SORBS2: variants seen among roughly 807,000 people sequenced by gnomAD.
SORBS2 encodes the protein sorbin and SH3 domain containing 2.
SORBS2 carries 46 observed loss-of-function variants against 97.7 expected under a neutral mutation model. That is an observed-to-expected ratio of 0.47 (90% confidence interval 0.37 to 0.60). SORBS2 has a LOEUF of 0.60. SORBS2 is among the 20% of genes least tolerant of loss of function. The pLI is 0.00. For missense variants in SORBS2, 1,316 were observed against 1,282.3 expected (o/e 1.03, Z -0.40); for synonymous variants, 476 against 473.4 (o/e 1.01, Z -0.07).
At chr4:185,863,033 T>C (rs1290932878) in intron 1 of SORBS2, among the ~76,000 whole-genome samples, 2 of 152,150 alleles carry the variant, frequency 1.3e-5, no homozygotes, top group Non-Finnish European at 2.9e-5. Context: ...GCCAGGCCAG[T>C]GGAGAGGTGG....
chr4:185,731,594 C>A (rs1186841421), intron 2 of SORBS2, among the ~76,000 whole-genome samples: 13 of 125,842 alleles, frequency 1.0e-4, no homozygotes, highest in Non-Finnish European at 1.7e-5. Flanking sequence ...CTCCCTCCCT[C>A]CCTGCCTATC....
Position 185,923,472 on chromosome 4 carries a change from A to ATTTTTTTTTTTTTTTTTTT in SORBS2, c.-338+32723_-338+32724insAAAAAAAAAAAAAAAAAAA, listed in dbSNP as rs535695706. 4.3e-3 allele frequency among the ~76,000 whole-genome samples: 471 copies of ATTTTTTTTTTTTTTTTTTT among 110,408 alleles called. 32 individuals are homozygous for ATTTTTTTTTTTTTTTTTTT. Among genetic ancestry groups the ATTTTTTTTTTTTTTTTTTT allele is most frequent in the African/African-American group, 9.9e-3 (280 of 28,310 alleles). 72.4% of individuals were successfully genotyped at this position (110,408 alleles called of 152,430 possible). A position where few individuals can be genotyped will look rare whatever the true frequency, so the allele number is the denominator to read the frequency against. On this transcript the variant is annotated intron_variant, in intron 1 of 20. Coordinates refer to the SORBS2 transcript ENST00000284776. ...TGCTTGGCTAAGTTTCTTTTTTTTA[A>ATTTTTTTTTTTTTTTTTTT]TTTTTTTTTTTTGTAGAGACAGGAC...
chr4:185,839,052 A>G (rs1380713080), intron 1 of SORBS2, among the ~76,000 whole-genome samples: 1 of 152,110 alleles, frequency 6.6e-6, no homozygotes, highest in Admixed American at 6.5e-5. Context: ...AGGCCCCAAC[A>G]CTGCACGATG....
At chr4:185,659,743 G>A (rs926956532), upstream of SORBS2, among the ~76,000 whole-genome samples, 4 of 152,016 alleles carry the variant, frequency 2.6e-5, no homozygotes, top group African/African-American at 4.8e-5. Context: ...ATTAAGACAC[G>A]GTGAGATATT....
At chr4:185,731,227 G>A (rs1444892907) in intron 2 of SORBS2, among the ~76,000 whole-genome samples, 2 of 152,112 alleles carry the variant, frequency 1.3e-5, no homozygotes, top group African/African-American at 2.4e-5. Context: ...AGGAGGAACT[G>A]GAACTTAGGA....
At chr4:185,744,533 T>C (rs986792100) in intron 2 of SORBS2, among the ~76,000 whole-genome samples, 1 of 152,250 alleles carries the variant, frequency 6.6e-6, no homozygotes, top group Non-Finnish European at 1.5e-5. Context: ...GTTCAGATCA[T>C]TAATCTTCTT....
intron 1 of SORBS2, among the ~76,000 whole-genome samples, chr4:185,835,575 G>A (rs2099207579): frequency 1.3e-5 from 2 of 151,558 alleles, no homozygotes; most frequent in African/African-American, 4.8e-5. Context: ...CAATTCATTT[G>A]CGCACTGTTC....
chr4:185,831,195 A>C (rs2099204926), intron 1 of SORBS2, among the ~76,000 whole-genome samples: 1 of 152,220 alleles, frequency 6.6e-6, no homozygotes, highest in African/African-American at 2.4e-5. Context: ...ATAATTAGAC[A>C]GCAAAAGGGA....
At chr4:185,714,887 A>C (rs1372785331) in intron 2 of SORBS2, among the ~76,000 whole-genome samples, 1 of 152,252 alleles carries the variant, frequency 6.6e-6, no homozygotes, top group Non-Finnish European at 1.5e-5. Context: ...CCACAGAGCC[A>C]AACCATATCA....
At chr4:185,678,684 G>A in intron 3 of SORBS2, 112 bp downstream of exon 6, 1 of 1,136,720 alleles carries the variant, frequency 8.8e-7, no homozygotes, top group South Asian at 1.6e-5. Context: ...AATTTAATAT[G>A]CATAACAGTA....
intron 2 of SORBS2, chr4:185,757,066 G>C: frequency 1.4e-6 from 1 of 716,714 alleles, no homozygotes; most frequent in Non-Finnish European, 2.6e-6. Flanking sequence ...TTCCATTTTT[G>C]TTCACTTTGG....
intron 1 of SORBS2, among the ~76,000 whole-genome samples, chr4:185,937,910 CA>C (rs1246037528): frequency 6.6e-6 from 1 of 152,064 alleles, no homozygotes; most frequent in Non-Finnish European, 1.5e-5. Context: ...TCTGCCCCTT[CA>C]AACTCAGTGT....
chr4:185,800,370 T>C (rs944538614), intron 1 of SORBS2, among the ~76,000 whole-genome samples: 7 of 152,204 alleles, frequency 4.6e-5, no homozygotes, highest in African/African-American at 9.7e-5. Flanking sequence ...ACCCAGCGTA[T>C]GAAGGAGGAG....
At chr4:185,618,271 G>A (rs982495684) in intron 9 of SORBS2, among the ~76,000 whole-genome samples, 7 of 152,124 alleles carry the variant, frequency 4.6e-5, no homozygotes, top group African/African-American at 1.7e-4. Flanking sequence ...CACTGTGCCT[G>A]GCCCCCAATA....
chr4:185,590,330 G>T (rs920740198), intron 13 of SORBS2, among the ~76,000 whole-genome samples: 1 of 152,126 alleles, frequency 6.6e-6, no homozygotes, highest in African/African-American at 2.4e-5. Context: ...CACTCTGTGT[G>T]AATTACTATA....
intron 1 of SORBS2, among the ~76,000 whole-genome samples, chr4:185,655,158 G>T (rs1023096752): frequency 1.3e-5 from 2 of 152,172 alleles, no homozygotes; most frequent in East Asian, 3.8e-4. Flanking sequence ...ATGAGAGAGG[G>T]CAATCTGGAG....
At position 185,655,286 on chromosome 4, in the gene SORBS2, C is replaced by T. The variant is rs560618303; in HGVS notation, c.24+1329G>A. Among the ~76,000 whole-genome samples, 565 of 152,306 alleles carry T rather than the reference C, an allele frequency of 3.7e-3. 3 individuals carry two copies. Among genetic ancestry groups the T allele is most frequent in the African/African-American group, 0.011 (464 of 41,566 alleles). ...CTCGGCATAGGCTGGCTGTCTAAAA[C>T]GATACTGCAGCATGGTACATTGTGA... On this transcript the variant is annotated intron_variant, in intron 1 of 14. Coordinates refer to ENST00000418609, the Ensembl canonical transcript of SORBS2.
Position 185,643,456 on chromosome 4 carries a change from C to T in SORBS2, c.396+3212G>A, listed in dbSNP as rs892113811. 2.0e-5 allele frequency among the ~76,000 whole-genome samples: 3 copies of T among 152,132 alleles called. No homozygotes were observed. The East Asian group carries it at 5.8e-4, about 29-fold the overall frequency. ...AGGGTTTCAGATTTTGCTCGAAGGACAGTGAAGAGCCAGAGAAAATTTTGA... is the reference window on the plus strand; with the variant it reads ...AGGGTTTCAGATTTTGCTCGAAGGATAGTGAAGAGCCAGAGAAAATTTTGA... On this transcript the variant is annotated intron_variant, in intron 4 of 14. Coordinates refer to ENST00000418609, the Ensembl canonical transcript of SORBS2.
intron 2 of SORBS2, among the ~76,000 whole-genome samples, chr4:185,683,558 T>C (rs545788920): frequency 7.9e-5 from 12 of 152,360 alleles, no homozygotes; most frequent in Non-Finnish European, 1.8e-4. Context: ...CACCTTTTTA[T>C]GTTCATACGT....
Sources: gnomAD v4.1 joint callset for allele counts (sites outside exome capture counted in the v4.1 genomes callset) on GRCh38, gnomAD v4.1.1 for gene constraint, MANE v1.5 for transcripts, NCBI Gene and HGNC (gene_info 2026-07-23, HGNC 2026-07-21) for gene names.